MYNN: variants seen among roughly 807,000 people sequenced by gnomAD.
MYNN encodes the protein myoneurin, also known as zinc finger and BTB domain-containing protein 31.
A neutral mutation model predicts 57.2 loss-of-function variants in MYNN; 22 were observed. The observed-to-expected ratio is 0.38, with a 90% CI of 0.27 to 0.55. MYNN has a LOEUF of 0.55. MYNN is among the 20% of genes least tolerant of loss of function. The pLI, the probability that MYNN is intolerant of heterozygous loss-of-function variation, is 0.71. For missense variants in MYNN, 566 were observed against 723.1 expected, an observed-to-expected ratio of 0.78 and a Z score of 2.49; for synonymous variants, 241 against 257.1, an observed-to-expected ratio of 0.94 and a Z score of 0.60.
chr3:169,783,709 CTTATT>C (rs1778587892), intron 6 of MYNN, 149 bp downstream of exon 6: 1 of 702,998 alleles, frequency 1.4e-6, no homozygotes, highest in Non-Finnish European at 2.6e-6. Context: ...AACTTATTTG[CTTATT>C]TTGTTTTTTT....
Position 169,786,499 on chromosome 3 carries a change from A to T in MYNN, c.1654A>T (p.Thr552Ser). 1 of 1,613,696 alleles carries T rather than the reference A, an allele frequency of 6.2e-7. No homozygotes were observed. Among genetic ancestry groups the T allele is most frequent in the Non-Finnish European group, 8.5e-7 (1 of 1,179,632 alleles). ...CATACAAAAAAGTCCTTTATCAGAAACTATGGATGTGAAGCCTTCTGATAT... is the reference window on the plus strand; with the variant it reads ...CATACAAAAAAGTCCTTTATCAGAATCTATGGATGTGAAGCCTTCTGATAT... ...DSIQKSPLSE[T>S]MDVKPSDMTL... Residue 552 changes from threonine (T) to serine (S), a missense_variant, in exon 8 of 8, where the codon ACT (threonine) becomes TCT (serine). By Grantham distance (58) the Thr-to-Ser change is moderately conservative. Coordinates refer to ENST00000349841, the MANE Select transcript of MYNN (RefSeq NM_018657.5).
At chr3:169,779,796 T>G in intron 3 of MYNN, 1 of 504,376 alleles carries the variant, frequency 2.0e-6, no homozygotes. Flanking sequence ...TCCAAATAAG[T>G]ATGTTGATTC....
intron 3 of MYNN, chr3:169,780,183 G>C: frequency 6.4e-6 from 1 of 155,580 alleles, no homozygotes; most frequent in Non-Finnish European, 1.4e-5. Context: ...TCAGCCTCCC[G>C]AGTAGCTGGG....
In MYNN at chr3:169,779,565, A is replaced by G; in HGVS notation, c.1060+4A>G. 1 of 1,610,834 alleles carries G rather than the reference A, an allele frequency of 6.2e-7. No individual in the cohort carries two copies. Among genetic ancestry groups the G allele is most frequent in the Non-Finnish European group, 8.5e-7 (1 of 1,177,716 alleles). On this transcript the variant is annotated splice_donor_region_variant and intron_variant, in intron 3 of 7. Transcript: ENST00000349841. ...ACGCATGTAAGAACTCATACAGGTG[A>G]GACGGGTGTGTGGGGAGATATTATT...
Position 169,774,558 on chromosome 3 carries a change from A to G in MYNN, c.263A>G (p.Asp88Gly). The change falls in exon 2 of 8, where the codon GAC (aspartate) becomes GGC (glycine). Residue 88 changes from aspartate to glycine, a missense_variant. Asp to Gly is a moderately conservative substitution (Grantham distance 94, BLOSUM62 -1). Transcript: ENST00000349841. The part of the protein sequence containing the change: ...EFIYTGTLNL[D>G]SWNVKEIHQA... ...ATATACACAGGAACTTTAAATCTTG[A>G]CAGGTAAAGTACACATTTTATTTTC... The G allele has an allele frequency of 6.2e-7, 1 of 1,610,464 alleles. No homozygotes were observed. Among genetic ancestry groups the G allele is most frequent in the Non-Finnish European group, 8.5e-7 (1 of 1,177,190 alleles).
chr3:169,775,556 T>C (rs574778335), intron 2 of MYNN, among the ~76,000 whole-genome samples: 1 of 152,318 alleles, frequency 6.6e-6, no homozygotes, highest in South Asian at 2.1e-4. Context: ...TCTGTCAAAA[T>C]GAGATGGTAA....
rs1022699539 is a variant in MYNN at position 169,782,454 on chromosome 3, T to C, written c.1221-11T>C. 6 of 1,594,290 alleles carry C rather than the reference T, an allele frequency of 3.8e-6. No homozygotes were observed. In the African/African-American group the frequency reaches 8.1e-5, roughly 22 times the overall value. ...AAATTGTTTTACTTATTTAACTTTA[T>C]TTACTAACAGGAAGCATAGTGGAGA... On this transcript the variant is annotated splice_polypyrimidine_tract_variant and intron_variant, in intron 4 of 7. Transcript: ENST00000349841. The surrounding 1 kb of genome is among the most constrained non-coding windows in gnomAD (Gnocchi z 4.8).
In MYNN at chr3:169,779,578, G is replaced by A; in HGVS notation, c.1060+17G>A. The A allele has an allele frequency of 6.2e-7, 1 of 1,603,986 alleles. No individual in the cohort carries two copies. Among genetic ancestry groups the A allele is most frequent in the Non-Finnish European group, 8.5e-7 (1 of 1,174,272 alleles). On this transcript the variant is annotated intron_variant, in intron 3 of 7. Coordinates refer to ENST00000349841, the MANE Select transcript of MYNN (RefSeq NM_018657.5). ...CTCATACAGGTGAGACGGGTGTGTG[G>A]GGAGATATTATTTTTATACTGTGAC...
chr3:169,774,276 A>T lies in MYNN; in HGVS notation c.-20A>T. 6.2e-7 allele frequency: 1 copy of T among 1,608,242 alleles called. No homozygotes were observed. Among genetic ancestry groups the T allele is most frequent in the Non-Finnish European group, 8.5e-7 (1 of 1,175,850 alleles). On this transcript the variant is annotated 5_prime_UTR_variant, in exon 2 of 8. Transcript: ENST00000349841. ...TTTTTGTCTTTTAGATCAAGGGTAA[A>T]ATTCCATTCTGATATCAAAATGCAG...
rs776954402 is a variant in MYNN at position 169,774,476 on chromosome 3, GTCTT to G, written c.186_189del (p.Phe62LeufsTer6). 6.2e-7 allele frequency: 1 copy of G among 1,614,054 alleles called. No individual in the cohort carries two copies. Among genetic ancestry groups the G allele is most frequent in the South Asian group, 1.1e-5 (1 of 91,088 alleles). ...CTACAGAAGCACTTCTGAGAACAAT[GTCTT>G]TCTTGATCAGAGTCAGGTGAAGGCT... On this transcript the variant is annotated frameshift_variant, in exon 2 of 8. Coordinates refer to ENST00000349841, the MANE Select transcript of MYNN (RefSeq NM_018657.5). LOFTEE classifies it high-confidence loss of function.
intron 7 of MYNN, among the ~76,000 whole-genome samples, 196 bp downstream of exon 7, chr3:169,784,904 C>G (rs746931344): frequency 7.3e-6 from 1 of 137,748 alleles, no homozygotes; most frequent in Non-Finnish European, 1.5e-5. Context: ...CATATTGAAT[C>G]TCTTATTTAA....
At chr3:169,777,472 G>C (rs1414959003) in intron 2 of MYNN, 1 of 150,750 alleles carries the variant, frequency 6.6e-6, no homozygotes, top group East Asian at 1.9e-4. Context: ...GATTATTTGA[G>C]GGTAAGGGGT....
intron 4 of MYNN, among the ~76,000 whole-genome samples, chr3:169,781,715 T>G (rs772045879): frequency 6.6e-5 from 10 of 152,056 alleles, no homozygotes; most frequent in Non-Finnish European, 1.5e-4. Context: ...AATTCTGTGA[T>G]AGGGAGATGA....
At chr3:169,781,920 T>A (rs992243035) in intron 4 of MYNN, among the ~76,000 whole-genome samples, 27 of 152,054 alleles carry the variant, frequency 1.8e-4, no homozygotes, top group Non-Finnish European at 3.4e-4. Context: ...GGTTTTTTTT[T>A]AATATGGGAG....
chr3:169,780,504 A>G, intron 3 of MYNN, 86 bp from the exon 4 acceptor site: 1 of 902,334 alleles, frequency 1.1e-6, no homozygotes, highest in East Asian at 2.9e-5. Context: ...CTTAATAACA[A>G]AGCTAGTACT....
Position 169,786,596 on chromosome 3 carries a change from C to T in MYNN, c.1751C>T (p.Ser584Phe), listed in dbSNP as rs1560590516. The T allele has an allele frequency of 6.2e-7, 1 of 1,613,588 alleles. No homozygotes were observed. Among genetic ancestry groups the T allele is most frequent in the Admixed American group, 1.7e-5 (1 of 59,976 alleles). ...HMLLPVTDTQ[S>F]PTSDTLLRST... ...CTTCTGCCTGTCACGGATACTCAGT[C>T]TCCTACATCAGATACATTGTTGAGG... Residue 584 changes from serine to phenylalanine, a missense_variant, in exon 8 of 8, where the codon TCT (serine) becomes TTT (phenylalanine). Around this residue, in one of 4 missense-constraint regions of MYNN, gnomAD observed 156 missense variants for 163.9 expected, o/e 0.95. Coordinates refer to ENST00000349841, the MANE Select transcript of MYNN (RefSeq NM_018657.5).
Position 169,778,866 on chromosome 3 carries a change from C to T in MYNN, c.365C>T (p.Ala122Val), listed in dbSNP as rs1160451696. The change falls in exon 3 of 8, where the codon GCT becomes GTT. Residue 122 changes from alanine to valine, a missense_variant. Transcript: ENST00000349841. The stretch of plus-strand genomic sequence containing the variant: ...AAGATGGAAGATTTTGCTTTTATTG[C>T]TAATCCTTCTTCTACAGAGATATCT... ...KIKMEDFAFI[A>V]NPSSTEISSI... The T allele has an allele frequency of 1.2e-6, 2 of 1,613,726 alleles. No individual in the cohort carries two copies. The highest frequency in any genetic ancestry group is 1.7e-5 in the Admixed American group (1 of 59,946).
Position 169,782,799 on chromosome 3 carries a change from A to C in MYNN, c.1399+156A>C, listed in dbSNP as rs192097971. On this transcript the variant is annotated intron_variant, in intron 5 of 7. Coordinates refer to ENST00000349841, the MANE Select transcript of MYNN (RefSeq NM_018657.5). The surrounding 1 kb of genome is among the most constrained non-coding windows in gnomAD (Gnocchi z 4.8). The stretch of plus-strand genomic sequence containing the variant: ...TATGATTTTTGCACATATTTGTTAA[A>C]TATAAAAGCTGACTTATTTTCTAGA... Among the ~76,000 whole-genome samples the C allele has an allele frequency of 8.3e-4, 126 of 152,344 alleles. No homozygotes were observed. The highest frequency in any genetic ancestry group is 2.9e-3 in the African/African-American group (122 of 41,598).
chr3:169,778,989 T>G lies in MYNN; in HGVS notation c.488T>G (p.Ile163Ser). Residue 163 changes from isoleucine to serine, a missense_variant, in exon 3 of 8, where the codon ATT (isoleucine) becomes AGT (serine). Physicochemically the swap from Ile to Ser is moderately radical, Grantham distance 142. Around this residue, in one of 4 missense-constraint regions of MYNN, gnomAD observed 261 missense variants for 280.8 expected, o/e 0.93. Transcript: ENST00000349841. ...REKSEVSTDL[I>S]QANPKQGALA... is the part of the protein sequence containing the mutation. ...AAATCAGAAGTATCTACAGATTTGA[T>G]TCAGGCAAATCCTAAACAAGGCGCG... 1 of 1,613,808 alleles carries G rather than the reference T, an allele frequency of 6.2e-7. No individual in the cohort carries two copies. Among genetic ancestry groups the G allele is most frequent in the Non-Finnish European group, 8.5e-7 (1 of 1,180,020 alleles).
Sources: gnomAD v4.1 joint callset for allele counts (sites outside exome capture counted in the v4.1 genomes callset) on GRCh38, gnomAD v4.1.1 for gene constraint, gnomAD v4.1.1 regional missense constraint, Gnocchi (gnomAD v3.1) non-coding constraint, MANE v1.5 for transcripts, NCBI Gene and HGNC (gene_info 2026-07-23, HGNC 2026-07-21) for gene names.